The following ITPR2 variants were observed in gnomAD, a reference collection of about 807,000 sequenced individuals.
The protein encoded by ITPR2 is inositol 1,4,5-trisphosphate receptor type 2, also known as inositol 1,4,5-trisphosphate-gated calcium channel ITPR2.
ITPR2 carries 207 observed loss-of-function variants against 317.1 expected under a neutral mutation model. That is an observed-to-expected ratio of 0.65 (90% confidence interval 0.58 to 0.73). The LOEUF (loss-of-function observed/expected upper bound fraction) is 0.73, where lower values mean the gene tolerates loss of function less well. Among genes scored for constraint, ITPR2 ranks in the 30% least tolerant of loss-of-function variants. The probability of loss-of-function intolerance (pLI) is 0.00; values close to 1 mark genes in which losing one functional copy is unlikely to be tolerated. For synonymous variants in ITPR2, 1,156 were observed against 1,149.1 expected, an observed-to-expected ratio of 1.01 and a Z score of -0.12; for missense variants, 2,613 against 3,284.0, an observed-to-expected ratio of 0.80 and a Z score of 4.99.
intron 32 of ITPR2, among the ~76,000 whole-genome samples, chr12:26,594,306 G>C (rs774398437): frequency 1.3e-5 from 2 of 151,828 alleles, no homozygotes; most frequent in Non-Finnish European, 2.9e-5. Flanking sequence ...TAAATAAAAA[G>C]AGTCCGTGGT....
At chr12:26,407,924 T>C (rs911589952) in intron 52 of ITPR2, among the ~76,000 whole-genome samples, 3 of 152,196 alleles carry the variant, frequency 2.0e-5, no homozygotes, top group African/African-American at 4.8e-5. Flanking sequence ...TCCTTGAACA[T>C]GTCTCAGGGC....
intron 45 of ITPR2, among the ~76,000 whole-genome samples, chr12:26,465,088 C>T (rs1942136672): frequency 1.3e-5 from 2 of 152,150 alleles, no homozygotes; most frequent in African/African-American, 4.8e-5. Flanking sequence ...GACTAAGTGA[C>T]ATTCAGGGAG....
intron 2 of ITPR2, among the ~76,000 whole-genome samples, chr12:26,779,007 T>C (rs909911592): frequency 6.6e-6 from 1 of 152,160 alleles, no homozygotes; most frequent in Non-Finnish European, 1.5e-5. Context: ...CTCCAACTCA[T>C]TTATTGAGTG....
chr12:26,516,285 GGGAAAGGAAAGGAAA>G (rs1230277194), intron 37 of ITPR2, among the ~76,000 whole-genome samples: 525 of 42,752 alleles, frequency 0.012, 9 homozygotes, highest in Admixed American at 0.021. Flanking sequence ...GGGAAGGGAA[GGGAAAGGAAAGGAAA>G]GGAAAGGAAA....
chr12:26,558,021 C>T (rs1591898038), intron 35 of ITPR2, among the ~76,000 whole-genome samples: 1 of 152,096 alleles, frequency 6.6e-6, no homozygotes, highest in South Asian at 2.1e-4. Context: ...TATGTTAATT[C>T]ATGTTTTAAT....
At chr12:26,659,031 C>T (rs1947434647) in intron 16 of ITPR2, 82 bp downstream of exon 16, 2 of 1,133,582 alleles carry the variant, frequency 1.8e-6, no homozygotes, top group African/African-American at 3.1e-5. Flanking sequence ...TGTGAAAGAA[C>T]TCTAACTTTT....
intron 2 of ITPR2, among the ~76,000 whole-genome samples, chr12:26,740,631 G>C (rs542636371): frequency 6.6e-6 from 1 of 152,350 alleles, no homozygotes; most frequent in Non-Finnish European, 1.5e-5. Flanking sequence ...ACTATTTACT[G>C]TGGTTACCCC....
chr12:26,490,777 C>T (rs1942782167), intron 39 of ITPR2, among the ~76,000 whole-genome samples: 1 of 152,232 alleles, frequency 6.6e-6, no homozygotes, highest in African/African-American at 2.4e-5. Flanking sequence ...CGCGCCATTG[C>T]ACTCCAGCCT....
In ITPR2 at chr12:26,781,889, G is replaced by C. The variant is rs557209429; in HGVS notation, c.163+8268C>G. On this transcript the variant is annotated intron_variant, in intron 2 of 56. Transcript: ENST00000381340. ...CTCCCAGCCTACATCTTTCTTCTGTGCCGGATGCTTCCTGCCCTCAAAGTT... is the reference window on the plus strand; with the variant it reads ...CTCCCAGCCTACATCTTTCTTCTGTCCCGGATGCTTCCTGCCCTCAAAGTT... 5.3e-5 allele frequency among the ~76,000 whole-genome samples: 8 copies of C among 151,484 alleles called. 1 individual carries two copies. Among genetic ancestry groups the C allele is most frequent in the African/African-American group, 1.9e-4 (8 of 41,222 alleles).
At position 26,521,593 on chromosome 12, in the gene ITPR2, CT is replaced by C. The variant is rs574518888; in HGVS notation, c.5074-26334del. Among the ~76,000 whole-genome samples, 614 of 152,224 alleles carry C rather than the reference CT, an allele frequency of 4.0e-3. 3 individuals are homozygous for C. Among genetic ancestry groups the C allele is most frequent in the African/African-American group, 0.014 (601 of 41,528 alleles). ...AGACTTAATTTGGCCTTTTCAAACA[CT>C]TTCCTTTAAAACAAATATCTGTGGT... On this transcript the variant is annotated intron_variant, in intron 37 of 56. Transcript: ENST00000381340.
intron 1 of ITPR2, among the ~76,000 whole-genome samples, chr12:26,817,137 C>T (rs1402272476): frequency 2.1e-5 from 3 of 144,080 alleles, no homozygotes; most frequent in Non-Finnish European, 1.5e-5. Context: ...GCCGAGATCA[C>T]GCCACTGCAC....
intron 11 of ITPR2, among the ~76,000 whole-genome samples, chr12:26,683,153 T>G (rs1337319013): frequency 1.3e-5 from 2 of 152,244 alleles, no homozygotes; most frequent in Non-Finnish European, 2.9e-5. Flanking sequence ...TCCTCATTAT[T>G]TGTGGCTTCT....
In ITPR2 at chr12:26,399,055, A is replaced by C; in HGVS notation, c.7531-14T>G. On this transcript the variant is annotated splice_polypyrimidine_tract_variant and intron_variant, in intron 53 of 56. Coordinates refer to ENST00000381340, the MANE Select transcript of ITPR2 (RefSeq NM_002223.4). ...AAACAAGGGCTCCTGAAATAAAAAT[A>C]TTTAAAAAAATCACACTAGGCATAG... The C allele has an allele frequency of 6.4e-7, 1 of 1,552,282 alleles. No individual in the cohort carries two copies. The highest frequency in any genetic ancestry group is 2.3e-5 in the East Asian group (1 of 43,736).
intron 54 of ITPR2, 64 bp downstream of exon 54, chr12:26,398,812 T>C: frequency 7.2e-7 from 1 of 1,384,082 alleles, no homozygotes; most frequent in African/African-American, 1.5e-5. Context: ...TAAAAATCCC[T>C]CTAGCCCCTC....
intron 26 of ITPR2, among the ~76,000 whole-genome samples, chr12:26,615,030 G>C (rs1030200410): frequency 3.3e-5 from 5 of 152,310 alleles, no homozygotes; most frequent in Non-Finnish European, 7.3e-5. Context: ...TTAACAATCG[G>C]AGAAAGAGAG....
chr12:26,443,403 A>C, intron 46 of ITPR2, 140 bp downstream of exon 46: 1 of 562,708 alleles, frequency 1.8e-6, no homozygotes, highest in South Asian at 3.0e-5. Context: ...CTCCTCACTC[A>C]TCCTTTTACT....
chr12:26,798,167 C>A (rs192053141), intron 1 of ITPR2, among the ~76,000 whole-genome samples: 5 of 152,116 alleles, frequency 3.3e-5, no homozygotes, highest in Admixed American at 6.6e-5. Flanking sequence ...AACCCTGGCA[C>A]GTCATTCAAC....
chr12:26,552,798 G>C (rs899352762), intron 36 of ITPR2, among the ~76,000 whole-genome samples: 1 of 152,214 alleles, frequency 6.6e-6, no homozygotes, highest in African/African-American at 2.4e-5. Flanking sequence ...CGGTGGACAT[G>C]ATAAATTTCT....
intron 11 of ITPR2, 102 bp from the exon 12 acceptor site, chr12:26,682,775 T>C (rs1948059269): frequency 1.5e-6 from 1 of 670,944 alleles, no homozygotes; most frequent in Non-Finnish European, 2.5e-6. Context: ...TAAATACATA[T>C]TAACTAGTAA....
Sources: gnomAD v4.1 joint callset for allele counts (sites outside exome capture counted in the v4.1 genomes callset) on GRCh38, gnomAD v4.1.1 for gene constraint, MANE v1.5 for transcripts, NCBI Gene and HGNC (gene_info 2026-07-23, HGNC 2026-07-21) for gene names.